Variants in COL24A1 observed in about 807,000 individuals in gnomAD.
COL24A1 encodes the protein collagen alpha-1(XXIV) chain.
COL24A1 carries 224 observed loss-of-function variants against 253.9 expected under a neutral mutation model. The ratio of observed to expected loss-of-function variants is 0.88; its 90% CI spans 0.79 to 0.99. COL24A1 has a LOEUF of 0.99. Ranked by LOEUF, COL24A1 falls within the 50% of genes least tolerant of loss-of-function variation. COL24A1 has a pLI of 0.00. For synonymous variants in COL24A1, 685 were observed against 673.7 expected (o/e 1.02, Z -0.26); for missense variants, 2,131 against 2,068.5 (o/e 1.03, Z -0.59).
At position 85,783,652 on chromosome 1, in the gene COL24A1, A is replaced by G. The variant is rs1211834025; in HGVS notation, c.4222-94T>C. On this transcript the variant is annotated intron_variant, in intron 50 of 59. Transcript: ENST00000370571. ...AAATCTATCAAGAATTGCTCTTTTA[A>G]AAATGGAATATAATACTGTTGTGCA... The G allele has an allele frequency of 1.8e-5, 20 of 1,136,858 alleles. No homozygotes were observed. The Admixed American group carries it at 3.6e-4, about 20-fold the overall frequency. The allele number at this position is 1,136,858 out of a possible 1,614,324, so 70.4% of individuals were successfully genotyped here. A position where few individuals can be genotyped will look rare whatever the true frequency, so the allele number is the denominator to read the frequency against.
intron 53 of COL24A1, among the ~76,000 whole-genome samples, chr1:85,762,281 T>C (rs1438770342): frequency 1.3e-5 from 2 of 152,180 alleles, no homozygotes; most frequent in African/African-American, 4.8e-5. Flanking sequence ...AGCTAAGTTT[T>C]GGATAATGTT....
At chr1:85,847,295 C>A (rs1322548103) in intron 39 of COL24A1, among the ~76,000 whole-genome samples, 2 of 152,058 alleles carry the variant, frequency 1.3e-5, no homozygotes, top group Non-Finnish European at 2.9e-5. Flanking sequence ...TTCAAGTAAA[C>A]CTAATTTTCA....
intron 7 of COL24A1, among the ~76,000 whole-genome samples, chr1:86,064,431 C>A (rs1347207179): frequency 6.6e-6 from 1 of 151,534 alleles, no homozygotes; most frequent in Non-Finnish European, 1.5e-5. Flanking sequence ...GATATAGGAG[C>A]AAAATGAAGG....
chr1:85,738,672 A>AT (rs1664308055), intron 57 of COL24A1, among the ~76,000 whole-genome samples: 1 of 152,090 alleles, frequency 6.6e-6, no homozygotes, highest in African/African-American at 2.4e-5. Context: ...GTTAAATGTC[A>AT]TTTTTTCTAC....
rs1347524451 is a variant in COL24A1 at position 86,052,496 on chromosome 1, TGTATGATTCC to T, written c.1852-2329_1852-2320del. Reference sequence around the variant, plus strand: ...AAGCCAGTCACAAAAGGACAGATAGTGTATGATTCCACTTGCATGATGTACTTATAGTAGT... The same window carrying T: ...AAGCCAGTCACAAAAGGACAGATAGTACTTGCATGATGTACTTATAGTAGT... On this transcript the variant is annotated intron_variant, in intron 10 of 59. Coordinates refer to ENST00000370571, the MANE Select transcript of COL24A1 (RefSeq NM_152890.7). Among the ~76,000 whole-genome samples the T allele has an allele frequency of 1.3e-4, 20 of 152,050 alleles. 1 individual carries two copies. Among genetic ancestry groups the T allele is most frequent in the Admixed American group, 3.9e-4 (6 of 15,248 alleles).
chr1:85,786,540 AGTTG>A lies in COL24A1; in HGVS notation c.3952-83_3952-80del, dbSNP rs1669706233. On this transcript the variant is annotated intron_variant, in intron 47 of 59. Coordinates refer to ENST00000370571, the MANE Select transcript of COL24A1 (RefSeq NM_152890.7). ...TAGAGGCTCAATAAAATGTAGGAAG[AGTTG>A]TGCCCCGAAAGGCGTCTGTTAACAT... The A allele has an allele frequency of 4.5e-6, 6 of 1,329,250 alleles. No individual in the cohort carries two copies. The Admixed American group carries it at 1.2e-4, about 27-fold the overall frequency. The allele number at this position is 1,329,250 out of a possible 1,614,324, so 82.3% of individuals were successfully genotyped here. A position where few individuals can be genotyped will look rare whatever the true frequency, so the allele number is the denominator to read the frequency against.
chr1:86,032,082 G>A (rs1698618565), intron 13 of COL24A1, among the ~76,000 whole-genome samples, 160 bp from the exon 14 acceptor site: 1 of 152,140 alleles, frequency 6.6e-6, no homozygotes, highest in African/African-American at 2.4e-5. Context: ...ATCCTCCTGA[G>A]AAGCACAAAC....
chr1:85,978,803 GA>G (rs1433690545), intron 20 of COL24A1, among the ~76,000 whole-genome samples: 1 of 152,058 alleles, frequency 6.6e-6, no homozygotes, highest in East Asian at 1.9e-4. Context: ...AGTCAACAAA[GA>G]AAGTGAACTT....
intron 7 of COL24A1, among the ~76,000 whole-genome samples, chr1:86,074,301 G>T (rs1702088737): frequency 6.6e-6 from 1 of 152,016 alleles, no homozygotes; most frequent in African/African-American, 2.4e-5. Flanking sequence ...AAAAGGAAGG[G>T]TTGCAATCCT....
chr1:85,827,392 T>C (rs1380535144), intron 43 of COL24A1, among the ~76,000 whole-genome samples: 4 of 151,456 alleles, frequency 2.6e-5, no homozygotes, highest in Non-Finnish European at 4.4e-5. Context: ...ATTCTCTTTT[T>C]TGGTTGTGTC....
intron 34 of COL24A1, among the ~76,000 whole-genome samples, 165 bp downstream of exon 34, chr1:85,875,112 G>A (rs780364591): frequency 5.9e-5 from 9 of 152,148 alleles, no homozygotes; most frequent in South Asian, 2.1e-4. Context: ...CAAATAGGTT[G>A]GGGACTGCTG....
At chr1:86,081,048 T>TA (rs917532872) in intron 7 of COL24A1, among the ~76,000 whole-genome samples, 2 of 152,028 alleles carry the variant, frequency 1.3e-5, no homozygotes, top group African/African-American at 4.8e-5. Flanking sequence ...CACGGGGAAA[T>TA]AAAAAAATTA....
intron 37 of COL24A1, among the ~76,000 whole-genome samples, chr1:85,857,980 G>A (rs1216771929): frequency 6.6e-6 from 1 of 152,126 alleles, no homozygotes; most frequent in African/African-American, 2.4e-5. Flanking sequence ...CTAAAATCTA[G>A]GGTTTATTAT....
chr1:85,896,366 T>A lies in COL24A1; in HGVS notation c.2822A>T (p.Gln941Leu), dbSNP rs956111169. The change falls in exon 29 of 60, where the codon CAA becomes CTA. Residue 941 changes from glutamine to leucine, a missense_variant. Transcript: ENST00000370571. Reference protein sequence around the residue: ...PDGLLGEQGIQGAKGEKGDQG... With the variant: ...PDGLLGEQGILGAKGEKGDQG... ...AAAATCAATGATTACCTTGGCACCT[T>A]GTATACCTTGTTCCCCTAAGAGACC... 1 of 1,613,320 alleles carries A rather than the reference T, an allele frequency of 6.2e-7. No homozygotes were observed. Among genetic ancestry groups the A allele is most frequent in the Admixed American group, 1.7e-5 (1 of 60,018 alleles).
At chr1:85,978,064 G>T (rs922836444) in intron 20 of COL24A1, among the ~76,000 whole-genome samples, 1 of 152,070 alleles carries the variant, frequency 6.6e-6, no homozygotes, top group African/African-American at 2.4e-5. Context: ...AAGGGATTGG[G>T]GTCCTATTTT....
At chr1:85,973,486 T>C (rs775408399) in intron 20 of COL24A1, among the ~76,000 whole-genome samples, 2 of 152,174 alleles carry the variant, frequency 1.3e-5, no homozygotes, top group Non-Finnish European at 2.9e-5. Context: ...AAAATAATTT[T>C]GTATTGAGTT....
At chr1:86,033,999 A>G (rs761002080) in intron 12 of COL24A1, 76 bp from the exon 13 acceptor site, 13 of 1,138,526 alleles carry the variant, frequency 1.1e-5, no homozygotes, top group Non-Finnish European at 1.5e-5. Flanking sequence ...CAAAGAATTT[A>G]GTAATAGAAA....
intron 45 of COL24A1, 23 bp from the exon 46 acceptor site, chr1:85,818,110 T>C: frequency 6.3e-7 from 1 of 1,593,910 alleles, no homozygotes; most frequent in South Asian, 1.1e-5. Context: ...AGCACAGTTG[T>C]CAATTGACTG....
At chr1:85,737,586 A>G in intron 57 of COL24A1, 81 bp from the exon 58 acceptor site, 1 of 986,724 alleles carries the variant, frequency 1.0e-6, no homozygotes, top group Non-Finnish European at 1.5e-6. Context: ...TTTGAGAGAG[A>G]GAGTCTCATT....
Sources: gnomAD v4.1 joint callset for allele counts (sites outside exome capture counted in the v4.1 genomes callset) on GRCh38, gnomAD v4.1.1 for gene constraint, MANE v1.5 for transcripts, NCBI Gene and HGNC (gene_info 2026-07-23, HGNC 2026-07-21) for gene names.